The following TANC1 variants were observed in gnomAD, a reference collection of about 807,000 sequenced individuals.
The protein encoded by TANC1 is protein TANC1.
A neutral mutation model predicts 149.7 loss-of-function variants in TANC1; 77 were observed. The ratio of observed to expected loss-of-function variants is 0.51; its 90% CI spans 0.43 to 0.62. The LOEUF (loss-of-function observed/expected upper bound fraction) is 0.62. Among genes scored for constraint, TANC1 ranks in the 20% least tolerant of loss-of-function variants. TANC1 has a pLI of 0.00. For synonymous variants in TANC1, 854 were observed against 925.0 expected (o/e 0.92, Z 1.39); for missense variants, 1,985 against 2,321.8 (o/e 0.85, Z 2.98).
chr2:159,084,477 C>T (rs2044631630), intron 3 of TANC1, among the ~76,000 whole-genome samples: 1 of 152,060 alleles, frequency 6.6e-6, no homozygotes, highest in Non-Finnish European at 1.5e-5. Flanking sequence ...CCAAAATGAT[C>T]CCGTTTTCCT....
chr2:159,220,433 G>A (rs2059632435), intron 22 of TANC1, among the ~76,000 whole-genome samples: 1 of 150,746 alleles, frequency 6.6e-6, no homozygotes, highest in Admixed American at 6.6e-5. Flanking sequence ...TCAGCCTCCT[G>A]AGTAGCTGGG....
chr2:159,066,250 A>C (rs2042652455), intron 3 of TANC1, among the ~76,000 whole-genome samples: 1 of 152,156 alleles, frequency 6.6e-6, no homozygotes, highest in Admixed American at 6.5e-5. Context: ...CCTCTACAAA[A>C]AAATTTTAAA....
intron 2 of TANC1, among the ~76,000 whole-genome samples, chr2:159,045,162 A>G (rs2040943046): frequency 6.6e-6 from 1 of 152,216 alleles, no homozygotes; most frequent in South Asian, 2.1e-4. Flanking sequence ...TCATGAAGTA[A>G]GATAGCCACA....
intron 4 of TANC1, among the ~76,000 whole-genome samples, chr2:159,132,930 C>T (rs1012485067): frequency 5.9e-5 from 9 of 152,060 alleles, no homozygotes; most frequent in Non-Finnish European, 1.2e-4. Context: ...CAGGCAGGCA[C>T]GTGGATGCTT....
intron 4 of TANC1, among the ~76,000 whole-genome samples, chr2:159,111,110 A>G (rs919453227): frequency 7.9e-5 from 12 of 152,274 alleles, no homozygotes; most frequent in African/African-American, 2.9e-4. Context: ...TAAAGGTCTA[A>G]GAAAGCAATG....
intron 4 of TANC1, among the ~76,000 whole-genome samples, chr2:159,115,405 T>G (rs1315429972): frequency 6.6e-6 from 1 of 152,190 alleles, no homozygotes; most frequent in Non-Finnish European, 1.5e-5. Context: ...CAGGGGAATG[T>G]GCAGTGTGGT....
chr2:159,217,314 A>G (rs1325192134), intron 19 of TANC1, among the ~76,000 whole-genome samples, 183 bp from the exon 20 acceptor site: 1 of 152,208 alleles, frequency 6.6e-6, no homozygotes, highest in African/African-American at 2.4e-5. Flanking sequence ...GGGCCTTGAC[A>G]TGCACACAGA....
At chr2:158,988,889 C>T (rs1270405693) in intron 1 of TANC1, among the ~76,000 whole-genome samples, 1 of 152,180 alleles carries the variant, frequency 6.6e-6, no homozygotes, top group African/African-American at 2.4e-5. Flanking sequence ...CTTGCCCACT[C>T]TCACTATCGG....
intron 2 of TANC1, among the ~76,000 whole-genome samples, chr2:159,018,182 C>T (rs1395380642): frequency 6.6e-6 from 1 of 152,170 alleles, no homozygotes; most frequent in Admixed American, 6.5e-5. Context: ...GAAGGAAGCA[C>T]AGCCCAACTG....
intron 2 of TANC1, among the ~76,000 whole-genome samples, chr2:159,062,921 TGCACCACTGCAGTCCGCAGTCCGGCCTGG>T (rs2042344564): frequency 7.6e-6 from 1 of 131,646 alleles, no homozygotes; most frequent in Admixed American, 9.2e-5. Context: ...GAGCCGAGAT[TGCACCACTGCAGTCCGCAGTCCGGCCTGG>T]GCGACAGAGC....
At chr2:159,132,663 T>A (rs1002759793) in intron 4 of TANC1, among the ~76,000 whole-genome samples, 1 of 150,630 alleles carries the variant, frequency 6.6e-6, no homozygotes, top group Admixed American at 6.6e-5. Flanking sequence ...TAATTTTTTT[T>A]TTTTTTTTTT....
At chr2:159,212,640 G>A (rs1005596223) in intron 19 of TANC1, among the ~76,000 whole-genome samples, 2 of 152,140 alleles carry the variant, frequency 1.3e-5, no homozygotes, top group Non-Finnish European at 2.9e-5. Flanking sequence ...CCATCATCCC[G>A]GCTGGGCATG....
intron 14 of TANC1, among the ~76,000 whole-genome samples, chr2:159,184,358 G>C (rs1024257839): frequency 6.6e-6 from 1 of 152,190 alleles, no homozygotes; most frequent in Admixed American, 6.5e-5. Flanking sequence ...AGGAGTATAG[G>C]TGGGGAGCAG....
At chr2:159,212,581 G>C (rs1239779200) in intron 19 of TANC1, among the ~76,000 whole-genome samples, 3 of 152,176 alleles carry the variant, frequency 2.0e-5, no homozygotes, top group Non-Finnish European at 2.9e-5. Context: ...GAGATACCCA[G>C]AGAAATGAGT....
chr2:158,991,334 T>A (rs1199335428), intron 1 of TANC1, among the ~76,000 whole-genome samples: 1 of 152,136 alleles, frequency 6.6e-6, no homozygotes, highest in Non-Finnish European at 1.5e-5. Context: ...TAAATTTTGG[T>A]ACATCCATAC....
At position 159,065,965 on chromosome 2, in the gene TANC1, G is replaced by A. The variant is rs374043416; in HGVS notation, c.55G>A (p.Glu19Lys). The A allele has an allele frequency of 1.2e-6, 2 of 1,613,114 alleles. No homozygotes were observed. Among genetic ancestry groups the A allele is most frequent in the Admixed American group, 1.7e-5 (1 of 60,006 alleles). ...SREGGKGGKK[E>K]AGSDFGPETS... The stretch of plus-strand genomic sequence containing the variant: ...AGAGGGAGGAAAGGGAGGCAAGAAG[G>A]AAGCAGGTATGTGTGCAAGAATGAG... Residue 19 changes from glutamate (E) to lysine (K), a missense_variant, in exon 3 of 27, where the codon GAA becomes AAA. Around this residue, in one of 3 missense-constraint regions of TANC1, gnomAD observed 557 missense variants for 612.9 expected, o/e 0.91. Transcript: ENST00000263635.
At chr2:159,029,383 A>G (rs765960092) in intron 2 of TANC1, among the ~76,000 whole-genome samples, 8 of 152,296 alleles carry the variant, frequency 5.3e-5, no homozygotes, top group Non-Finnish European at 1.0e-4. Flanking sequence ...GTTGGATCGT[A>G]TGCCTCACTT....
At position 159,098,830 on chromosome 2, in the gene TANC1, AT is replaced by A. The variant is rs66459656; in HGVS notation, c.259+1008del. On this transcript the variant is annotated intron_variant, in intron 4 of 26. Transcript: ENST00000263635. ...TACCTTGAGTTTTAAAAATTCTTGGATTTTTTTTTTTTAAGGTTTGTGGAGT... is the reference window on the plus strand; with the variant it reads ...TACCTTGAGTTTTAAAAATTCTTGGATTTTTTTTTTTAAGGTTTGTGGAGT... Among the ~76,000 whole-genome samples the A allele has an allele frequency of 3.9e-3, 575 of 147,784 alleles. 2 individuals are homozygous for A. Among genetic ancestry groups the A allele is most frequent in the African/African-American group, 0.012 (496 of 40,340 alleles).
intron 22 of TANC1, 98 bp from the exon 23 acceptor site, chr2:159,224,134 T>G: frequency 7.0e-7 from 1 of 1,427,726 alleles, no homozygotes; most frequent in Non-Finnish European, 9.6e-7. Flanking sequence ...CAGAGGCATC[T>G]AAAATCAGAG....
Sources: gnomAD v4.1 joint callset for allele counts (sites outside exome capture counted in the v4.1 genomes callset) on GRCh38, gnomAD v4.1.1 for gene constraint, gnomAD v4.1.1 regional missense constraint, MANE v1.5 for transcripts, NCBI Gene and HGNC (gene_info 2026-07-23, HGNC 2026-07-21) for gene names.